The following NPAS3 variants were observed in gnomAD, a reference collection of about 807,000 sequenced individuals.
NPAS3 encodes neuronal PAS domain protein 3, also known as neuronal PAS domain-containing protein 3.
In NPAS3, 14 loss-of-function variants were observed where a neutral mutation model predicts 73.1. The observed-to-expected ratio is 0.19, with a 90% CI of 0.13 to 0.30. The LOEUF (loss-of-function observed/expected upper bound fraction) is 0.30. NPAS3 is among the 10% of genes least tolerant of loss of function. The pLI is 1.00. For missense variants in NPAS3, 1,096 were observed against 1,250.0 expected (o/e 0.88, Z 1.86); for synonymous variants, 620 against 541.5 (o/e 1.14, Z -2.01).
intron 2 of NPAS3, among the ~76,000 whole-genome samples, chr14:33,159,434 T>G (rs1459772003): frequency 6.6e-6 from 1 of 152,172 alleles, no homozygotes; most frequent in East Asian, 1.9e-4. Context: ...GGGAATCTTG[T>G]CAACTTCAGA....
At chr14:33,180,059 A>AT (rs1257963176) in intron 2 of NPAS3, among the ~76,000 whole-genome samples, 2 of 152,128 alleles carry the variant, frequency 1.3e-5, no homozygotes, top group African/African-American at 4.8e-5. Flanking sequence ...ATGGCATTCT[A>AT]TTTTTTCTCA....
intron 4 of NPAS3, among the ~76,000 whole-genome samples, chr14:33,430,453 C>G (rs573877977): frequency 5.9e-5 from 9 of 152,200 alleles, no homozygotes; most frequent in South Asian, 4.1e-4. Flanking sequence ...TGATCAGATT[C>G]TTAGAGCATG....
chr14:33,712,155 C>T (rs2060836398), intron 6 of NPAS3, among the ~76,000 whole-genome samples: 1 of 152,062 alleles, frequency 6.6e-6, no homozygotes, highest in African/African-American at 2.4e-5. Flanking sequence ...TGTAAAAAAA[C>T]ACCAATCAGA....
chr14:33,283,009 T>C (rs917631320), intron 3 of NPAS3, among the ~76,000 whole-genome samples: 1 of 152,220 alleles, frequency 6.6e-6, no homozygotes, highest in African/African-American at 2.4e-5. Context: ...TTTAAGAAAC[T>C]TGAAAATTAC....
At chr14:33,156,286 C>G (rs918988493) in intron 2 of NPAS3, among the ~76,000 whole-genome samples, 1 of 152,128 alleles carries the variant, frequency 6.6e-6, no homozygotes, top group Non-Finnish European at 1.5e-5. Flanking sequence ...GCAGATTGAT[C>G]TATTGAATTT....
chr14:33,746,887 C>G (rs1328460300), intron 7 of NPAS3, among the ~76,000 whole-genome samples: 1 of 146,916 alleles, frequency 6.8e-6, no homozygotes, highest in Non-Finnish European at 1.5e-5. Flanking sequence ...AATGCTATCC[C>G]TCCCCCGTCC....
At chr14:33,357,831 G>A (rs2045410243) in intron 3 of NPAS3, among the ~76,000 whole-genome samples, 1 of 152,206 alleles carries the variant, frequency 6.6e-6, no homozygotes, top group Non-Finnish European at 1.5e-5. Context: ...GGCGGGACAT[G>A]TCACATGTCC....
Position 32,975,755 on chromosome 14 carries a change from C to CAAA in NPAS3, c.50+36391_50+36393dup, listed in dbSNP as rs1014387720. Among the ~76,000 whole-genome samples the CAAA allele has an allele frequency of 3.3e-5, 5 of 151,726 alleles. No individual in the cohort carries two copies. The South Asian group carries it at 6.3e-4, about 19-fold the overall frequency. ...TTGATAGCTCTGGTAGTTAATAAAACAAAACAAAACAACAGCAACAAACAG... is the reference window on the plus strand; with the variant it reads ...TTGATAGCTCTGGTAGTTAATAAAACAAAAAAACAAAACAACAGCAACAAACAG... On this transcript the variant is annotated intron_variant, in intron 1 of 11. Coordinates refer to ENST00000356141, the Ensembl canonical transcript of NPAS3.
intron 4 of NPAS3, among the ~76,000 whole-genome samples, chr14:33,411,971 A>G (rs2047947072): frequency 1.3e-5 from 2 of 152,124 alleles, no homozygotes; most frequent in Non-Finnish European, 2.9e-5. Flanking sequence ...CATTTTAGAT[A>G]TTGTATAACT....
intron 1 of NPAS3, among the ~76,000 whole-genome samples, chr14:32,941,265 T>TCCCCC (rs1267987630): frequency 2.2e-4 from 2 of 9,088 alleles, no homozygotes; most frequent in Non-Finnish European, 4.2e-4. Flanking sequence ...CCTCCCTCCT[T>TCCCCC]CCCCTCCCCT....
At chr14:33,637,534 G>A (rs995911003) in intron 5 of NPAS3, among the ~76,000 whole-genome samples, 2 of 152,060 alleles carry the variant, frequency 1.3e-5, no homozygotes, top group African/African-American at 4.8e-5. Flanking sequence ...TTCAGGAAGG[G>A]GAAAAAAGTT....
intron 1 of NPAS3, among the ~76,000 whole-genome samples, chr14:32,957,764 G>C (rs2036738417): frequency 6.6e-6 from 1 of 152,276 alleles, no homozygotes; most frequent in Non-Finnish European, 1.5e-5. Context: ...TTGTTTAACA[G>C]AGTTACTCCC....
chr14:33,276,659 T>C (rs2140039643), intron 3 of NPAS3, among the ~76,000 whole-genome samples: 1 of 152,162 alleles, frequency 6.6e-6, no homozygotes. Context: ...ATGAGTGTAA[T>C]AATGGCAATT....
chr14:33,416,874 A>T (rs145263273), intron 4 of NPAS3, among the ~76,000 whole-genome samples: 10 of 151,558 alleles, frequency 6.6e-5, no homozygotes. Context: ...CTTCTACTTC[A>T]TTTATTTTTG....
chr14:33,547,219 T>G (rs1183975349), intron 4 of NPAS3, among the ~76,000 whole-genome samples: 1 of 152,198 alleles, frequency 6.6e-6, no homozygotes, highest in East Asian at 1.9e-4. Context: ...CTTTTCAGGC[T>G]GTGACACATT....
At chr14:33,323,162 A>G (rs2043535701) in intron 3 of NPAS3, among the ~76,000 whole-genome samples, 1 of 152,188 alleles carries the variant, frequency 6.6e-6, no homozygotes, top group African/African-American at 2.4e-5. Context: ...CAGGGTCGCC[A>G]AGACTATTCA....
At chr14:33,098,114 A>G (rs980327563) in intron 2 of NPAS3, among the ~76,000 whole-genome samples, 2 of 152,070 alleles carry the variant, frequency 1.3e-5, no homozygotes, top group Non-Finnish European at 2.9e-5. Flanking sequence ...TTCTTTTAGA[A>G]CCCTTTAGAT....
At chr14:33,541,276 A>G (rs914720684) in intron 4 of NPAS3, among the ~76,000 whole-genome samples, 1 of 152,198 alleles carries the variant, frequency 6.6e-6, no homozygotes, top group Non-Finnish European at 1.5e-5. Context: ...TTTCTAGTCC[A>G]TTAAATCTTG....
chr14:33,051,850 C>G (rs2040722878), intron 1 of NPAS3, among the ~76,000 whole-genome samples: 1 of 152,304 alleles, frequency 6.6e-6, no homozygotes. Flanking sequence ...ACCTCCACCT[C>G]CCGGGTTCAA....
Sources: allele counts gnomAD v4.1 joint callset (sites outside exome capture counted in the v4.1 genomes callset), GRCh38; gene constraint gnomAD v4.1.1; transcripts MANE v1.5; gene names NCBI Gene and HGNC (gene_info 2026-07-23, HGNC 2026-07-21).